The following TDRD12 variants were observed in gnomAD, a reference collection of about 807,000 sequenced individuals.
TDRD12 encodes putative ATP-dependent RNA helicase TDRD12.
In TDRD12, 158 loss-of-function variants were observed where a neutral mutation model predicts 133.5. That is an observed-to-expected ratio of 1.18 (90% CI 1.04 to 1.35). The LOEUF (loss-of-function observed/expected upper bound fraction) is 1.35. Among genes scored for constraint, TDRD12 ranks in the 40% most tolerant of loss-of-function variants. The pLI is 0.00. For missense variants in TDRD12, 1,443 were observed against 1,321.3 expected (o/e 1.09, Z -1.43); for synonymous variants, 460 against 477.9 (o/e 0.96, Z 0.49).
intron 8 of TDRD12, among the ~76,000 whole-genome samples, chr19:32,772,221 G>A (rs1322941363): frequency 1.3e-5 from 2 of 152,168 alleles, no homozygotes; most frequent in African/African-American, 2.4e-5. Context: ...AAATGTCCTG[G>A]TATCCTTTCC....
In TDRD12 at chr19:32,734,353, C is replaced by A. The variant is rs187333383; in HGVS notation, c.183+2470C>A. 1.7e-4 allele frequency among the ~76,000 whole-genome samples: 25 copies of A among 151,402 alleles called. No homozygotes were observed. The East Asian group carries it at 4.7e-3, about 28-fold the overall frequency. On this transcript the variant is annotated intron_variant, in intron 2 of 27. Coordinates refer to ENST00000444215, the Ensembl canonical transcript of TDRD12. ...AGGGTGGTTTTGTTTTTCTCTCCTC[C>A]TCCTCCTTTTCTTTTCTTTTCTTTT...
intron 14 of TDRD12, among the ~76,000 whole-genome samples, chr19:32,795,702 A>G (rs976795294): frequency 4.6e-5 from 7 of 152,336 alleles, no homozygotes; most frequent in Non-Finnish European, 1.0e-4. Context: ...ATTTATAAAG[A>G]AGAGAGGCTT....
intron 13 of TDRD12, among the ~76,000 whole-genome samples, chr19:32,792,347 G>T (rs114363443): frequency 1.3e-5 from 2 of 152,050 alleles, no homozygotes; most frequent in Non-Finnish European, 2.9e-5. Context: ...AAATATCCCC[G>T]GAGAGAAGAC....
chr19:32,766,935 T>A (rs1476781011), intron 8 of TDRD12, among the ~76,000 whole-genome samples: 1 of 151,398 alleles, frequency 6.6e-6, no homozygotes, highest in African/African-American at 2.4e-5. Flanking sequence ...TTTTGTTTTG[T>A]ATGTTTAGTG....
At chr19:32,733,470 C>CAA (rs5827819) in intron 2 of TDRD12, among the ~76,000 whole-genome samples, 3,866 of 143,128 alleles carry the variant, frequency 0.027, 66 homozygotes, top group Non-Finnish European at 0.034. Context: ...AACTCTGTCT[C>CAA]AAAAAAAAAA....
intron 8 of TDRD12, among the ~76,000 whole-genome samples, chr19:32,765,585 G>T (rs1480886185): frequency 6.6e-6 from 1 of 152,162 alleles, no homozygotes; most frequent in African/African-American, 2.4e-5. Context: ...CAGGTGCTTT[G>T]TAGGGACATG....
chr19:32,752,745 A>G (rs1314794675), intron 6 of TDRD12, among the ~76,000 whole-genome samples: 1 of 143,724 alleles, frequency 7.0e-6, no homozygotes, highest in Non-Finnish European at 1.5e-5. Flanking sequence ...AATGTTTATC[A>G]TTTTGTTATT....
intron 21 of TDRD12, among the ~76,000 whole-genome samples, chr19:32,806,185 G>A (rs966803562): frequency 5.3e-5 from 8 of 152,154 alleles, no homozygotes; most frequent in African/African-American, 1.4e-4. Flanking sequence ...ACACCACTGC[G>A]TGATACACAG....
At chr19:32,790,006 AAAAAAAG>A (rs1213559812) in intron 11 of TDRD12, among the ~76,000 whole-genome samples, 1 of 152,098 alleles carries the variant, frequency 6.6e-6, no homozygotes, top group Non-Finnish European at 1.5e-5. Flanking sequence ...CCATCTCAAA[AAAAAAAG>A]AAAAAAGAAA....
chr19:32,751,759 A>G (rs1314695021), intron 6 of TDRD12, among the ~76,000 whole-genome samples: 1 of 152,142 alleles, frequency 6.6e-6, no homozygotes, highest in Non-Finnish European at 1.5e-5. Context: ...CGATCTCATT[A>G]TGTTGCCCAG....
chr19:32,735,692 A>G (rs1969202838), intron 2 of TDRD12, among the ~76,000 whole-genome samples: 1 of 152,226 alleles, frequency 6.6e-6, no homozygotes, highest in Non-Finnish European at 1.5e-5. Context: ...GAAGTCAGCC[A>G]GGTGTGGTGG....
chr19:32,807,831 G>A (rs950542699), intron 22 of TDRD12, among the ~76,000 whole-genome samples, 183 bp downstream of exon 22: 2 of 152,022 alleles, frequency 1.3e-5, no homozygotes, highest in East Asian at 1.9e-4. Context: ...GGGCCCCAGC[G>A]TATTTATAAG....
At chr19:32,787,620 T>TA (rs1172829404) in intron 11 of TDRD12, among the ~76,000 whole-genome samples, 1 of 152,130 alleles carries the variant, frequency 6.6e-6, no homozygotes, top group Non-Finnish European at 1.5e-5. Flanking sequence ...ACTGTGAGCA[T>TA]AGAACCGCCT....
chr19:32,801,465 G>A (rs1303925048), intron 18 of TDRD12, among the ~76,000 whole-genome samples: 1 of 152,048 alleles, frequency 6.6e-6, no homozygotes, highest in Non-Finnish European at 1.5e-5. Context: ...GTGTGTGTGT[G>A]TATGTGTGTT....
At chr19:32,802,926 C>T in exon 21 of TDRD12, 1 of 1,534,292 alleles carries the variant, frequency 6.5e-7, no homozygotes, top group Non-Finnish European at 8.7e-7. Flanking sequence ...TTTCAGGGTT[C>T]TCCTGCAGAA....
chr19:32,723,701 T>C (rs1968767178), intron 1 of TDRD12, among the ~76,000 whole-genome samples: 1 of 151,744 alleles, frequency 6.6e-6, no homozygotes, highest in Non-Finnish European at 1.5e-5. Flanking sequence ...GGAATGGAGT[T>C]GTATTTATAG....
chr19:32,823,029 A>G (rs1234657268), downstream of TDRD12, among the ~76,000 whole-genome samples: 1 of 152,200 alleles, frequency 6.6e-6, no homozygotes, highest in African/African-American at 2.4e-5. Flanking sequence ...AGCTTTCCAC[A>G]CTGCAGATGT....
At chr19:32,723,324 C>T (rs1005592544) in intron 1 of TDRD12, among the ~76,000 whole-genome samples, 2 of 150,452 alleles carry the variant, frequency 1.3e-5, no homozygotes, top group Non-Finnish European at 3.0e-5. Context: ...GATCTCGGCA[C>T]AGTGCAAGCT....
At chr19:32,779,518 G>A (rs1432166812) in intron 11 of TDRD12, among the ~76,000 whole-genome samples, 1 of 152,082 alleles carries the variant, frequency 6.6e-6, no homozygotes. Flanking sequence ...TGGATACTTG[G>A]GTAGCAGAGG....
Sources: gnomAD v4.1 joint callset for allele counts (sites outside exome capture counted in the v4.1 genomes callset) on GRCh38, gnomAD v4.1.1 for gene constraint, MANE v1.5 for transcripts, NCBI Gene and HGNC (gene_info 2026-07-23, HGNC 2026-07-21) for gene names.